MTOR: variants seen among roughly 807,000 people sequenced by gnomAD.
MTOR encodes the protein serine/threonine-protein kinase mTOR.
A neutral mutation model predicts 319.8 loss-of-function variants in MTOR; 70 were observed. The ratio of observed to expected loss-of-function variants is 0.22; its 90% CI spans 0.18 to 0.27. The LOEUF (loss-of-function observed/expected upper bound fraction) is 0.27. Among genes scored for constraint, MTOR ranks in the 10% least tolerant of loss-of-function variants. The pLI, the probability that MTOR is intolerant of heterozygous loss-of-function variation, is 1.00. For missense variants in MTOR, 1,890 were observed against 3,274.4 expected (o/e 0.58, Z 10.32); for synonymous variants, 1,183 against 1,211.4 (o/e 0.98, Z 0.49).
Position 11,144,959 on chromosome 1 carries a change from G to C in MTOR, c.4764+9C>G, listed in dbSNP as rs548020558. 6.2e-7 allele frequency: 1 copy of C among 1,613,508 alleles called. No individual in the cohort carries two copies. Among genetic ancestry groups the C allele is most frequent in the African/African-American group, 1.3e-5 (1 of 75,046 alleles). On this transcript the variant is annotated intron_variant, in intron 33 of 57. Transcript: ENST00000361445. ...AAAAATGACAATGTGCAGAATAGTT[G>C]ACACTTACCCCATATGCCCGACTGT...
At chr1:11,169,797 T>G (rs1210120516) in intron 28 of MTOR, among the ~76,000 whole-genome samples, 2 of 152,240 alleles carry the variant, frequency 1.3e-5, no homozygotes, top group Non-Finnish European at 2.9e-5. Flanking sequence ...ACCTCCTCCT[T>G]CAGAGGGTTC....
At chr1:11,120,916 CA>C (rs1271966996) in intron 49 of MTOR, among the ~76,000 whole-genome samples, 1 of 152,038 alleles carries the variant, frequency 6.6e-6, no homozygotes, top group Non-Finnish European at 1.5e-5. Context: ...AAAACCAAAC[CA>C]AACCAAACAA....
rs757759197 is a variant in MTOR, at chr1:11,129,829, T to C, written c.5623A>G (p.Lys1875Glu). 6.2e-7 allele frequency: 1 copy of C among 1,614,206 alleles called. No individual in the cohort carries two copies. The highest frequency in any genetic ancestry group is 8.5e-7 in the Non-Finnish European group (1 of 1,179,996). ...LQKKVTEDLS[K>E]TLLMYTVPAV... Reference sequence around the variant, plus strand: ...GGCACCGTGTACATCAGGAGGGTTTTGGACAGATCCTGTTGGAACACACAC... The same window carrying C: ...GGCACCGTGTACATCAGGAGGGTTTCGGACAGATCCTGTTGGAACACACAC... The change falls in exon 40 of 58, where the codon AAA becomes GAA. Residue 1875 changes from lysine (K) to glutamate (E), a missense_variant. Around this residue, in one of 15 missense-constraint regions of MTOR, gnomAD observed 249 missense variants for 596.2 expected, o/e 0.42. Transcript: ENST00000361445. This position sits in a 1 kb window ranked among gnomAD's most constrained non-coding sequence, Gnocchi z 4.7.
rs567052518 is a variant in MTOR, at chr1:11,161,492, T to G, written c.4330-4201A>C. Among the ~76,000 whole-genome samples, 67 of 152,286 alleles carry G rather than the reference T, an allele frequency of 4.4e-4. No homozygotes were observed. The Middle Eastern group carries it at 0.014, about 31-fold the overall frequency. On this transcript the variant is annotated intron_variant, in intron 29 of 57. Transcript: ENST00000361445. Reference sequence around the variant, plus strand: ...AGAGGCGACAGACTGCCTCCTCAGGTGGGTCTCTGACCCCCCAGTAGCCTA... The same window carrying G: ...AGAGGCGACAGACTGCCTCCTCAGGGGGGTCTCTGACCCCCCAGTAGCCTA...
chr1:11,221,696 T>TTATATATACATATATATATAGTG lies in MTOR; in HGVS notation c.3031-5485_3031-5463dup, dbSNP rs1331763059. Among the ~76,000 whole-genome samples, 963 of 148,600 alleles carry TTATATATACATATATATATAGTG rather than the reference T, an allele frequency of 6.5e-3. 15 individuals are homozygous for TTATATATACATATATATATAGTG. The highest frequency in any genetic ancestry group is 0.023 in the African/African-American group (932 of 40,756). ...TTGGTGCCTGCAATGAACAGAAATA[T>TTATATATACATATATATATAGTG]TATATATACATATATATATAGTGTA... On this transcript the variant is annotated intron_variant, in intron 19 of 57. Transcript: ENST00000361445.
At chr1:11,168,829 A>G (rs1168311108) in intron 28 of MTOR, among the ~76,000 whole-genome samples, 1 of 152,184 alleles carries the variant, frequency 6.6e-6, no homozygotes, top group Non-Finnish European at 1.5e-5. Context: ...TTCCTGTAGG[A>G]ACTTATGCAA....
chr1:11,121,442 T>G lies in MTOR; in HGVS notation c.6811-74A>C. ...GTTTGGGTCCAGGAAGAAACAAGGC[T>G]TGGGGTCCAGGCAGAGCTGAGTTCT... On this transcript the variant is annotated intron_variant, in intron 48 of 57. Coordinates refer to ENST00000361445, the MANE Select transcript of MTOR (RefSeq NM_004958.4). This position sits in a 1 kb window ranked among gnomAD's most constrained non-coding sequence, Gnocchi z 4.9. 6.3e-7 allele frequency: 1 copy of G among 1,589,946 alleles called. No homozygotes were observed.
At chr1:11,174,255 C>G (rs78698035) in intron 28 of MTOR, among the ~76,000 whole-genome samples, 1,808 of 152,186 alleles carry the variant, frequency 0.012, 48 homozygotes, top group African/African-American at 0.041. Context: ...CAGTAGGCAC[C>G]CAGGAATTAG....
chr1:11,209,278 C>A (rs369464221), intron 25 of MTOR, 34 bp downstream of exon 25: 2 of 1,613,940 alleles, frequency 1.2e-6, no homozygotes, highest in Non-Finnish European at 1.7e-6. Context: ...GAGCAGAGCT[C>A]TCCTTTCCCA....
At chr1:11,169,197 A>G (rs1469775840) in intron 28 of MTOR, among the ~76,000 whole-genome samples, 3 of 152,266 alleles carry the variant, frequency 2.0e-5, no homozygotes, top group Admixed American at 6.5e-5. Context: ...TTGCCCAGAA[A>G]TCTAAAGAAG....
intron 13 of MTOR, among the ~76,000 whole-genome samples, chr1:11,235,308 T>C (rs949507932): frequency 1.2e-4 from 18 of 152,106 alleles, no homozygotes; most frequent in African/African-American, 3.9e-4. Context: ...CCCACCCTGA[T>C]GACCAAGACC....
intron 29 of MTOR, among the ~76,000 whole-genome samples, chr1:11,164,004 T>C (rs1644558031): frequency 6.6e-6 from 1 of 152,052 alleles, no homozygotes; most frequent in African/African-American, 2.4e-5. Context: ...AGCTGGTTTT[T>C]TGAAAAAGAT....
At position 11,258,403 on chromosome 1, in the gene MTOR, G is replaced by C. The variant is rs776815438; in HGVS notation, c.271+82C>G. 22 of 918,014 alleles carry C rather than the reference G, an allele frequency of 2.4e-5. No individual in the cohort carries two copies. The East Asian group carries it at 4.9e-4, about 20-fold the overall frequency. 56.9% of individuals were successfully genotyped at this position (918,014 alleles called of 1,614,324 possible). A position where few individuals can be genotyped will look rare whatever the true frequency, so the allele number is the denominator to read the frequency against. On this transcript the variant is annotated intron_variant, in intron 3 of 57. Coordinates refer to ENST00000361445, the MANE Select transcript of MTOR (RefSeq NM_004958.4). ...AATTTCATTAAGCAAATATGAACTA[G>C]TATCCAGTAAGTGGCAGACACAGGG...
chr1:11,243,217 G>A lies in MTOR; in HGVS notation c.1309C>T (p.Leu437=), dbSNP rs1332800704. ...CTCACAGCCACAGAAAGTAGCCCCA[G>A]GGCTTGGAAGGCCGCTGTACGTTCC... ...EKERTAAFQA[L]GLLSVAVRSE... is the part of the protein sequence containing the mutation. The change falls in exon 9 of 58, where the codon CTG becomes TTG. Residue 437 remains leucine, a synonymous_variant. Transcript: ENST00000361445. 1.2e-6 allele frequency: 2 copies of A among 1,614,182 alleles called. No individual in the cohort carries two copies.
At chr1:11,194,569 G>A (rs771223498) in intron 28 of MTOR, 33 of 1,614,044 alleles carry the variant, frequency 2.0e-5, no homozygotes, top group Non-Finnish European at 2.5e-5. Context: ...TGTGGGGAAC[G>A]ACGCCCTCCA....
Position 11,211,050 on chromosome 1 carries a change from C to T in MTOR, c.3562-144G>A, listed in dbSNP as rs543979692. On this transcript the variant is annotated intron_variant, in intron 23 of 57. Coordinates refer to ENST00000361445, the MANE Select transcript of MTOR (RefSeq NM_004958.4). ...GTGATATTCAAAAGAATCCTTCTTC[C>T]CATCTCCCGTTATAATCCTAGTTCA... 4.0e-5 allele frequency: 24 copies of T among 601,900 alleles called. No individual in the cohort carries two copies. The African/African-American group carries it at 4.3e-4, about 11-fold the overall frequency. 37.3% of individuals were successfully genotyped at this position (601,900 alleles called of 1,614,324 possible).
intron 19 of MTOR, among the ~76,000 whole-genome samples, chr1:11,217,787 T>C (rs1015611964): frequency 3.9e-5 from 6 of 151,938 alleles, no homozygotes; most frequent in Admixed American, 1.3e-4. Context: ...AATGAACATA[T>C]GTATTTTCAC....
rs960308119 is a variant in MTOR at position 11,109,230 on chromosome 1, C to G, written c.7528+60G>C. ...ACTGGACATGGGGCTGACCACCACT[C>G]AGAGAGGAAAGTGTGCTCAGATTTT... is the stretch of plus-strand genomic sequence containing the variant. On this transcript the variant is annotated intron_variant, in intron 56 of 57. Transcript: ENST00000361445. This position sits in a 1 kb window ranked among gnomAD's most constrained non-coding sequence, Gnocchi z 4.0. The G allele has an allele frequency of 6.6e-7, 1 of 1,509,132 alleles. No homozygotes were observed. Among genetic ancestry groups the G allele is most frequent in the East Asian group, 2.3e-5 (1 of 44,386 alleles). The allele number at this position is 1,509,132 out of a possible 1,614,324, so 93.5% of individuals were successfully genotyped here.
intron 28 of MTOR, among the ~76,000 whole-genome samples, chr1:11,172,669 G>C (rs1238821625): frequency 1.3e-5 from 2 of 151,672 alleles, no homozygotes; most frequent in Non-Finnish European, 2.9e-5. Flanking sequence ...AGGAGTTCGA[G>C]ACCAGCCTGG....
Sources: allele counts gnomAD v4.1 joint callset (sites outside exome capture counted in the v4.1 genomes callset), GRCh38; gene constraint gnomAD v4.1.1; regional missense constraint gnomAD v4.1.1; non-coding constraint Gnocchi (gnomAD v3.1); transcripts MANE v1.5; gene names NCBI Gene and HGNC (gene_info 2026-07-23, HGNC 2026-07-21).